NRXN1: variants seen among roughly 807,000 people sequenced by gnomAD.
The protein encoded by NRXN1 is neurexin 1.
NRXN1 carries 39 observed loss-of-function variants against 150.9 expected under a neutral mutation model. The observed-to-expected ratio is 0.26, with a 90% CI of 0.20 to 0.34. The LOEUF (loss-of-function observed/expected upper bound fraction) is 0.34. NRXN1 is among the 10% of genes least tolerant of loss of function. NRXN1 has a pLI of 1.00. For missense variants in NRXN1, 1,815 were observed against 1,949.9 expected (o/e 0.93, Z 1.30); for synonymous variants, 924 against 757.0 (o/e 1.22, Z -3.62).
chr2:49,991,020 A>G (rs1681844787), intron 21 of NRXN1, among the ~76,000 whole-genome samples: 1 of 152,170 alleles, frequency 6.6e-6, no homozygotes, highest in Non-Finnish European at 1.5e-5. Context: ...AGAGTAAATA[A>G]TTTACTAAAC....
chr2:50,617,747 G>T lies in NRXN1; in HGVS notation c.1320+2275C>A, dbSNP rs1032385064. On this transcript the variant is annotated intron_variant, in intron 8 of 22. Transcript: ENST00000401669. ...GGAAGACCACCTAACTTATTTTTTG[G>T]TATTGTGGTTTTTCTGGTTAAAAGG... is the stretch of plus-strand genomic sequence containing the variant. Among the ~76,000 whole-genome samples the T allele has an allele frequency of 2.6e-5, 4 of 151,964 alleles. No homozygotes were observed. The South Asian group carries it at 8.3e-4, about 32-fold the overall frequency.
At chr2:50,278,264 T>A (rs7419941) in intron 17 of NRXN1, among the ~76,000 whole-genome samples, 2 of 66,246 alleles carry the variant, frequency 3.0e-5, no homozygotes, top group Non-Finnish European at 6.1e-5. Flanking sequence ...ATTATATATA[T>A]TATATATGTA....
intron 2 of NRXN1, among the ~76,000 whole-genome samples, chr2:51,025,729 T>C (rs539410803): frequency 2.0e-5 from 3 of 152,326 alleles, no homozygotes; most frequent in East Asian, 3.9e-4. Flanking sequence ...CTACCTAGCA[T>C]ATTATTCATG....
chr2:50,828,158 C>T (rs1461154065), intron 5 of NRXN1, among the ~76,000 whole-genome samples: 1 of 151,592 alleles, frequency 6.6e-6, no homozygotes, highest in Non-Finnish European at 1.5e-5. Flanking sequence ...GGCAGAGGGG[C>T]TCCTCACTTC....
chr2:50,960,351 C>T (rs770060151), intron 2 of NRXN1, among the ~76,000 whole-genome samples: 1 of 144,270 alleles, frequency 6.9e-6, no homozygotes, highest in Non-Finnish European at 1.5e-5. Context: ...CCCTCCTTTC[C>T]TTCCTTTCCT....
At chr2:50,651,809 G>A (rs1685676752) in intron 5 of NRXN1, among the ~76,000 whole-genome samples, 1 of 151,854 alleles carries the variant, frequency 6.6e-6, no homozygotes, top group Admixed American at 6.6e-5. Flanking sequence ...AATAAACAAG[G>A]AGCAATTTTC....
At chr2:50,899,406 T>C (rs553164205) in intron 5 of NRXN1, among the ~76,000 whole-genome samples, 1 of 152,240 alleles carries the variant, frequency 6.6e-6, no homozygotes, top group African/African-American at 2.4e-5. Context: ...GTCTTCCCAC[T>C]ACACTGTGTT....
chr2:50,368,114 A>C (rs1007506477), intron 17 of NRXN1, among the ~76,000 whole-genome samples: 2 of 152,012 alleles, frequency 1.3e-5, no homozygotes, highest in African/African-American at 4.8e-5. Flanking sequence ...GTCCTGATAA[A>C]TACTTAAATC....
intron 5 of NRXN1, chr2:50,920,046 T>C (rs773495343): frequency 8.0e-5 from 29 of 363,738 alleles, no homozygotes; most frequent in Non-Finnish European, 1.4e-4. Context: ...TTCTCATTTC[T>C]CTACATCTAA....
chr2:50,613,352 T>A (rs934087109), intron 8 of NRXN1, among the ~76,000 whole-genome samples: 3 of 152,136 alleles, frequency 2.0e-5, no homozygotes, highest in African/African-American at 7.2e-5. Context: ...AATAGAACAG[T>A]CAGAGCACTT....
rs190803400 is a variant in NRXN1 at position 50,944,874 on chromosome 2, T to C, written c.773-18919A>G. 2.5e-3 allele frequency among the ~76,000 whole-genome samples: 375 copies of C among 152,334 alleles called. 1 individual carries two copies. Among genetic ancestry groups the C allele is most frequent in the Middle Eastern group, 0.014 (4 of 294 alleles). The stretch of plus-strand genomic sequence containing the variant: ...TGTGCTAAAATCTGTAATTAATGCA[T>C]AGGAATGCATGTAAATTAACAGATG... On this transcript the variant is annotated intron_variant, in intron 2 of 22. Transcript: ENST00000401669.
intron 21 of NRXN1, among the ~76,000 whole-genome samples, chr2:50,021,511 A>T (rs1006505435): frequency 1.3e-5 from 2 of 152,214 alleles, no homozygotes; most frequent in African/African-American, 2.4e-5. Context: ...AATATATCAC[A>T]TAGTTACTAA....
chr2:50,902,983 A>T (rs1683160049), intron 5 of NRXN1, among the ~76,000 whole-genome samples: 1 of 152,190 alleles, frequency 6.6e-6, no homozygotes, highest in African/African-American at 2.4e-5. Context: ...TGCTTTTACA[A>T]ACCAAAAACA....
intron 5 of NRXN1, among the ~76,000 whole-genome samples, chr2:50,655,419 A>C (rs1448702007): frequency 3.3e-5 from 5 of 151,980 alleles, no homozygotes; most frequent in African/African-American, 1.2e-4. Context: ...AAGAATATAT[A>C]CTTTCCTGTC....
At chr2:50,902,707 T>A (rs150113019) in intron 5 of NRXN1, among the ~76,000 whole-genome samples, 54 of 152,256 alleles carry the variant, frequency 3.5e-4, no homozygotes, top group African/African-American at 1.3e-3. Flanking sequence ...CACCATCAGG[T>A]TCTGACTTGC....
intron 17 of NRXN1, among the ~76,000 whole-genome samples, chr2:50,359,157 G>C (rs2079016757): frequency 1.3e-5 from 2 of 152,048 alleles, no homozygotes; most frequent in South Asian, 2.1e-4. Flanking sequence ...AGAAAAACCA[G>C]TGCAAAGAGG....
intron 5 of NRXN1, among the ~76,000 whole-genome samples, chr2:50,728,184 T>C (rs984458939): frequency 1.3e-5 from 2 of 152,152 alleles, no homozygotes; most frequent in Admixed American, 1.3e-4. Context: ...CATCTTATTA[T>C]AGACACTTAT....
At chr2:50,137,730 G>T (rs750423920) in intron 18 of NRXN1, among the ~76,000 whole-genome samples, 10 of 152,012 alleles carry the variant, frequency 6.6e-5, no homozygotes, top group Non-Finnish European at 1.0e-4. Flanking sequence ...GAGAAAAGTG[G>T]GTTCAATTTT....
intron 2 of NRXN1, among the ~76,000 whole-genome samples, chr2:50,967,464 AT>A (rs1432140163): frequency 1.3e-5 from 2 of 151,974 alleles, no homozygotes; most frequent in African/African-American, 4.8e-5. Flanking sequence ...TCCCCATATA[AT>A]ATTTCTTATT....
Sources: allele counts gnomAD v4.1 joint callset (sites outside exome capture counted in the v4.1 genomes callset), GRCh38; gene constraint gnomAD v4.1.1; transcripts MANE v1.5; gene names NCBI Gene and HGNC (gene_info 2026-07-23, HGNC 2026-07-21).